The following VPS13D variants were observed in gnomAD, a reference collection of about 807,000 sequenced individuals.
The protein encoded by VPS13D is vacuolar protein sorting 13 homolog D.
VPS13D carries 187 observed loss-of-function variants against 461.9 expected under a neutral mutation model. That is an observed-to-expected ratio of 0.40 (90% CI 0.36 to 0.46). The LOEUF (loss-of-function observed/expected upper bound fraction) is 0.46, where lower values mean the gene tolerates loss of function less well. Among genes scored for constraint, VPS13D ranks in the 20% least tolerant of loss-of-function variants. VPS13D has a pLI of 0.60. For synonymous variants in VPS13D, 1,951 were observed against 1,986.3 expected (o/e 0.98, Z 0.47); for missense variants, 4,711 against 5,364.9 (o/e 0.88, Z 3.81).
chr1:12,367,284 A>G (rs148885006), intron 52 of VPS13D, among the ~76,000 whole-genome samples: 2,878 of 152,260 alleles, frequency 0.019, 109 homozygotes, highest in Admixed American at 0.099. Flanking sequence ...TATACTTTCT[A>G]TGTGATGCTG....
At chr1:12,314,073 G>A (rs1642828570) in intron 29 of VPS13D, 42 bp from the exon 30 acceptor site, 1 of 1,572,566 alleles carries the variant, frequency 6.4e-7, no homozygotes, top group African/African-American at 1.3e-5. Context: ...AAATGGAAGA[G>A]TTGTGTTTCA....
intron 10 of VPS13D, 100 bp downstream of exon 10, chr1:12,258,203 A>G: frequency 2.1e-6 from 3 of 1,433,008 alleles, no homozygotes; most frequent in Non-Finnish European, 1.9e-6. Context: ...ATAAAGTCCC[A>G]TGCCAAAGGG....
chr1:12,238,168 AATATATGT>A (rs1194256033), intron 2 of VPS13D, among the ~76,000 whole-genome samples: 16 of 151,330 alleles, frequency 1.1e-4, no homozygotes, highest in Non-Finnish European at 2.2e-4. Context: ...AAAAAAAAGA[AATATATGT>A]ATATATATCT....
In VPS13D at chr1:12,507,160, TC is replaced by T; in HGVS notation, c.13035+71del. ...AGGGCCTCGATGCCTCTGCCCTGCT[TC>T]CCCGTCCTCAGCAGGAGCTCATTTA... On this transcript the variant is annotated intron_variant, in intron 69 of 69. Transcript: ENST00000620676. The surrounding 1 kb of genome is among the most constrained non-coding windows in gnomAD (Gnocchi z 5.3). 1 of 1,609,432 alleles carries T rather than the reference TC, an allele frequency of 6.2e-7. No homozygotes were observed. The highest frequency in any genetic ancestry group is 8.5e-7 in the Non-Finnish European group (1 of 1,177,468).
intron 20 of VPS13D, among the ~76,000 whole-genome samples, chr1:12,281,658 A>T (rs552860885): frequency 6.6e-6 from 1 of 152,162 alleles, no homozygotes; most frequent in South Asian, 2.1e-4. Flanking sequence ...TATTGATGTT[A>T]AAGTGGATAA....
In VPS13D at chr1:12,502,822, G is replaced by A. The variant is rs1646052984; in HGVS notation, c.12795-4031G>A. Among the ~76,000 whole-genome samples the A allele has an allele frequency of 6.6e-6, 1 of 152,006 alleles. No individual in the cohort carries two copies. Among genetic ancestry groups the A allele is most frequent in the Non-Finnish European group, 1.5e-5 (1 of 68,000 alleles). ...GGAAAGGAGGGGTCATCCCCCACAG[G>A]TTTGGGGTAACTGGGCACCTGTTCT... On this transcript the variant is annotated intron_variant, in intron 68 of 69. Coordinates refer to ENST00000620676, the MANE Select transcript of VPS13D (RefSeq NM_015378.4). This position sits in a 1 kb window ranked among gnomAD's most constrained non-coding sequence, Gnocchi z 4.3.
At chr1:12,381,109 A>G (rs1054931764) in intron 57 of VPS13D, among the ~76,000 whole-genome samples, 2 of 152,194 alleles carry the variant, frequency 1.3e-5, no homozygotes, top group African/African-American at 4.8e-5. Flanking sequence ...TAGTGACAGT[A>G]TAATAACAGT....
chr1:12,248,438 G>A (rs1640630108), intron 5 of VPS13D, among the ~76,000 whole-genome samples: 1 of 151,824 alleles, frequency 6.6e-6, no homozygotes, highest in Non-Finnish European at 1.5e-5. Context: ...CATCTCATGG[G>A]CTCAAACAAT....
At chr1:12,392,251 G>A (rs1644436437) in intron 60 of VPS13D, among the ~76,000 whole-genome samples, 1 of 152,098 alleles carries the variant, frequency 6.6e-6, no homozygotes, top group African/African-American at 2.4e-5. Context: ...CAGCACTTTG[G>A]GAGGCCAAGG....
Position 12,354,053 on chromosome 1 carries a change from T to A in VPS13D, c.9511T>A (p.Phe3171Ile), listed in dbSNP as rs1643865352. ...ATTTTCTGACAGTGCAAAACAGATT[T>A]TCAGACAGCCTGGGCATACCATATA... Reference protein sequence around the residue: ...NIFSDSAKQIFRQPGHTIYLL... With the variant: ...NIFSDSAKQIIRQPGHTIYLL... The change falls in exon 47 of 70, where the codon TTC becomes ATC. Residue 3171 changes from phenylalanine to isoleucine, a missense_variant. Physicochemically the swap from Phe to Ile is conservative, Grantham distance 21. Coordinates refer to ENST00000620676, the MANE Select transcript of VPS13D (RefSeq NM_015378.4). The A allele has an allele frequency of 6.2e-7, 1 of 1,614,066 alleles. No homozygotes were observed. The highest frequency in any genetic ancestry group is 2.2e-5 in the East Asian group (1 of 44,894).
chr1:12,441,723 C>T (rs1181340979), intron 65 of VPS13D, among the ~76,000 whole-genome samples: 1 of 152,192 alleles, frequency 6.6e-6, no homozygotes, highest in Non-Finnish European at 1.5e-5. Flanking sequence ...AAAGATCTTT[C>T]TTCTTCAATC....
At chr1:12,503,262 A>G (rs1243638356) in intron 68 of VPS13D, among the ~76,000 whole-genome samples, 2 of 152,276 alleles carry the variant, frequency 1.3e-5, no homozygotes, top group South Asian at 2.1e-4. Flanking sequence ...CCCTTCTCTC[A>G]GAAGAAACTT....
At chr1:12,262,113 T>G (rs758927080) in intron 13 of VPS13D, 33 bp downstream of exon 13, 1 of 1,586,518 alleles carries the variant, frequency 6.3e-7, no homozygotes, top group Admixed American at 1.7e-5. Context: ...CCTGCCACTG[T>G]TGTCTCTCTG....
chr1:12,430,410 A>G (rs1233628527), intron 65 of VPS13D, among the ~76,000 whole-genome samples: 3 of 152,120 alleles, frequency 2.0e-5, no homozygotes, highest in African/African-American at 7.2e-5. Flanking sequence ...CTCTTTTCAA[A>G]GACCATACTG....
At chr1:12,381,966 CT>C (rs1557745598) in intron 57 of VPS13D, among the ~76,000 whole-genome samples, 1 of 133,390 alleles carries the variant, frequency 7.5e-6, no homozygotes, top group Admixed American at 7.9e-5. Flanking sequence ...TTCTTTCTTT[CT>C]TTCTTTCTTT....
chr1:12,282,538 T>C (rs538301643), intron 20 of VPS13D, among the ~76,000 whole-genome samples, 167 bp from the exon 21 acceptor site: 21 of 152,224 alleles, frequency 1.4e-4, no homozygotes, highest in African/African-American at 5.1e-4. Flanking sequence ...TGAACAGAAG[T>C]GGGTCATAAA....
chr1:12,260,376 A>G (rs1641070687), intron 10 of VPS13D, among the ~76,000 whole-genome samples: 1 of 151,326 alleles, frequency 6.6e-6, no homozygotes, highest in African/African-American at 2.4e-5. Flanking sequence ...CTCCCTCTCC[A>G]TTCACCATTC....
chr1:12,379,547 G>C lies in VPS13D; in HGVS notation c.11141G>C (p.Ser3714Thr). 6.2e-7 allele frequency: 1 copy of C among 1,613,672 alleles called. No homozygotes were observed. The highest frequency in any genetic ancestry group is 8.5e-7 in the Non-Finnish European group (1 of 1,179,810). Reference protein sequence around the residue: ...DRRRSTTQTWSFREGKLTCGL... With the variant: ...DRRRSTTQTWTFREGKLTCGL... ...AGGCGAAGCACAACTCAGACGTGGAGTTTCCGAGAAGGAAAACTGACCTGT... is the reference window on the plus strand; with the variant it reads ...AGGCGAAGCACAACTCAGACGTGGACTTTCCGAGAAGGAAAACTGACCTGT... The change falls in exon 57 of 70, where the codon AGT (serine) becomes ACT (threonine). Residue 3714 changes from serine to threonine, a missense_variant. Around this residue, in one of 3 missense-constraint regions of VPS13D, gnomAD observed 4,411 missense variants for 4,937.8 expected, o/e 0.89. Transcript: ENST00000620676.
chr1:12,454,971 C>T (rs930783020), intron 65 of VPS13D, among the ~76,000 whole-genome samples: 1 of 152,218 alleles, frequency 6.6e-6, no homozygotes, highest in African/African-American at 2.4e-5. Flanking sequence ...TTAACTGTCA[C>T]TTTAAACCTT....
Sources: gnomAD v4.1 joint callset for allele counts (sites outside exome capture counted in the v4.1 genomes callset) on GRCh38, gnomAD v4.1.1 for gene constraint, gnomAD v4.1.1 regional missense constraint, Gnocchi (gnomAD v3.1) non-coding constraint, MANE v1.5 for transcripts, NCBI Gene and HGNC (gene_info 2026-07-23, HGNC 2026-07-21) for gene names.